The following USP53 variants were observed in gnomAD, a reference collection of about 807,000 sequenced individuals.
USP53 encodes the protein ubiquitin carboxyl-terminal hydrolase 53.
USP53 carries 71 observed loss-of-function variants against 94.9 expected under a neutral mutation model. The observed-to-expected ratio is 0.75, with a 90% CI of 0.62 to 0.91. The LOEUF is 0.91. USP53 is among the 40% of genes least tolerant of loss of function. USP53 has a pLI of 0.00. For missense variants in USP53, 1,173 were observed against 1,281.0 expected, an observed-to-expected ratio of 0.92 and a Z score of 1.29; for synonymous variants, 375 against 422.7, an observed-to-expected ratio of 0.89 and a Z score of 1.39.
intron 16 of USP53, chr4:119,272,277 A>G (rs1489514269): frequency 3.0e-6 from 1 of 336,372 alleles, no homozygotes; most frequent in African/African-American, 2.1e-5. Flanking sequence ...TTCCAAAAAT[A>G]GCAGCTTTTT....
rs1490651300 is a variant in USP53, at chr4:119,268,401, A to G, written c.1269A>G (p.Thr423=). The G allele has an allele frequency of 1.2e-6, 2 of 1,612,250 alleles. No homozygotes were observed. The highest frequency in any genetic ancestry group is 1.7e-6 in the Non-Finnish European group (2 of 1,179,300). Residue 423 remains threonine (T), a synonymous_variant, in exon 14 of 19, where the codon ACA becomes ACG. Coordinates refer to ENST00000692078, the MANE Select transcript of USP53 (RefSeq NM_001371395.1). ...CATCTAATCGGAGCCACAGTCACAC[A>G]GGTGTAGGGAAAGGACCAGGTATGT... ...ISSSNRSHSH[T]GVGKGPAKLS... is the part of the protein sequence containing the mutation.
At chr4:119,223,267 A>G (rs1744792936) in intron 3 of USP53, among the ~76,000 whole-genome samples, 1 of 152,108 alleles carries the variant, frequency 6.6e-6, no homozygotes, top group Admixed American at 6.6e-5. Flanking sequence ...AAGATGTAGG[A>G]TGGGTGAGGG....
At chr4:119,256,115 A>C (rs1749734039) in intron 7 of USP53, 131 bp from the exon 8 acceptor site, 2 of 619,882 alleles carry the variant, frequency 3.2e-6, no homozygotes, top group East Asian at 2.8e-5. Flanking sequence ...TTAGAGAGGA[A>C]AGCTGAAAAG....
At chr4:119,271,079 A>G (rs1037868291) in intron 15 of USP53, 5 of 380,130 alleles carry the variant, frequency 1.3e-5, no homozygotes, top group African/African-American at 8.8e-5. Context: ...TCTACCTTAG[A>G]GATCATTTTT....
At chr4:119,285,169 GA>G (rs1753943900) in intron 17 of USP53, among the ~76,000 whole-genome samples, 1 of 151,826 alleles carries the variant, frequency 6.6e-6, no homozygotes, top group African/African-American at 2.4e-5. Flanking sequence ...GGTAAAGACA[GA>G]ATTTGAATGA....
In USP53 at chr4:119,245,333, T is replaced by C; in HGVS notation, c.145-4T>C. On this transcript the variant is annotated splice_polypyrimidine_tract_variant and splice_region_variant and intron_variant, in intron 5 of 18. Coordinates refer to ENST00000692078, the MANE Select transcript of USP53 (RefSeq NM_001371395.1). ...TTTTTCCTTAACATCTCCCTGTTTT[T>C]TAGGTTTTATGGCAATTGGATATAT... 1 of 1,613,180 alleles carries C rather than the reference T, an allele frequency of 6.2e-7. No homozygotes were observed. The highest frequency in any genetic ancestry group is 8.5e-7 in the Non-Finnish European group (1 of 1,179,636).
At position 119,293,284 on chromosome 4, in the gene USP53, C is replaced by G. The variant is rs1754978630; in HGVS notation, c.*73C>G. On this transcript the variant is annotated 3_prime_UTR_variant, in exon 19 of 19. Coordinates refer to ENST00000692078, the MANE Select transcript of USP53 (RefSeq NM_001371395.1). ...TGCCCTTCTGAACAAAGATATAAAC[C>G]TAGCATACATTGTAATAGATAACTG... 1 of 1,477,104 alleles carries G rather than the reference C, an allele frequency of 6.8e-7. No homozygotes were observed. 91.5% of individuals were successfully genotyped at this position (1,477,104 alleles called of 1,614,324 possible).
intron 16 of USP53, 49 bp from the exon 17 acceptor site, chr4:119,273,583 A>G (rs1305774744): frequency 6.9e-7 from 1 of 1,443,766 alleles, no homozygotes; most frequent in African/African-American, 1.4e-5. Flanking sequence ...AGACTAAACA[A>G]AGGCAGTCCA....
Position 119,261,822 on chromosome 4 carries a change from A to G in USP53, c.930A>G (p.Lys310=), listed in dbSNP as rs764840846. ...ATTGTGCCTTTGCATTTCACACCAA[A>G]AGTTCCAAATGGGTATTTTTTGATG... ...QHYCAFAFHT[K]SSKWVFFDDA... The change falls in exon 12 of 19, where the codon AAA becomes AAG. Residue 310 remains lysine, a synonymous_variant. Transcript: ENST00000692078. The G allele has an allele frequency of 6.6e-7, 1 of 1,512,722 alleles. No homozygotes were observed. Among genetic ancestry groups the G allele is most frequent in the Non-Finnish European group, 9.0e-7 (1 of 1,112,284 alleles). The allele number at this position is 1,512,722 out of a possible 1,614,324, so 93.7% of individuals were successfully genotyped here. A position where few individuals can be genotyped will look rare whatever the true frequency, so the allele number is the denominator to read the frequency against.
intron 17 of USP53, among the ~76,000 whole-genome samples, chr4:119,287,866 C>A (rs563745548): frequency 1.8e-4 from 28 of 152,118 alleles, no homozygotes; most frequent in Non-Finnish European, 2.9e-4. Flanking sequence ...TTGGAGTGAA[C>A]CCTGGATTGG....
At chr4:119,281,169 G>C (rs373802188) in intron 17 of USP53, among the ~76,000 whole-genome samples, 11 of 152,202 alleles carry the variant, frequency 7.2e-5, no homozygotes, top group African/African-American at 2.7e-4. Flanking sequence ...AAGAAAGTTA[G>C]ATATTTGAAC....
intron 15 of USP53, 128 bp from the exon 16 acceptor site, chr4:119,271,168 T>G: frequency 7.2e-7 from 1 of 1,382,692 alleles, no homozygotes; most frequent in Non-Finnish European, 9.4e-7. Context: ...AAGCAGTATG[T>G]GATATGTACT....
intron 6 of USP53, among the ~76,000 whole-genome samples, chr4:119,247,380 A>G (rs1383954753): frequency 1.3e-5 from 2 of 152,144 alleles, no homozygotes; most frequent in African/African-American, 4.8e-5. Context: ...AGATGTCCTC[A>G]TGGCTAACAC....
intron 3 of USP53, chr4:119,220,631 C>G (rs955417775): frequency 2.0e-5 from 3 of 152,006 alleles, no homozygotes; most frequent in Non-Finnish European, 4.4e-5. Context: ...TGCCAGTTTT[C>G]TAATTTTTTT....
intron 7 of USP53, among the ~76,000 whole-genome samples, chr4:119,253,433 A>C (rs1749314421): frequency 6.6e-6 from 1 of 152,150 alleles, no homozygotes; most frequent in Non-Finnish European, 1.5e-5. Flanking sequence ...TAGGATAGTT[A>C]GCTCTTCTTA....
intron 12 of USP53, among the ~76,000 whole-genome samples, chr4:119,263,990 A>C (rs763540097): frequency 2.6e-5 from 4 of 152,120 alleles, no homozygotes; most frequent in Non-Finnish European, 5.9e-5. Flanking sequence ...GCTTGAACCT[A>C]GGAGGCAGAG....
chr4:119,290,377 G>T (rs1754616542), intron 17 of USP53, among the ~76,000 whole-genome samples: 1 of 152,104 alleles, frequency 6.6e-6, no homozygotes, highest in Non-Finnish European at 1.5e-5. Flanking sequence ...CAGGAGAGAA[G>T]TTAAGTATCA....
chr4:119,239,950 A>T (rs763622731), intron 5 of USP53, 47 bp downstream of exon 5: 1 of 1,347,978 alleles, frequency 7.4e-7, no homozygotes, highest in Admixed American at 3.0e-5. Flanking sequence ...CTTTTCAGAA[A>T]ATCCTTTGTT....
At chr4:119,222,401 CTTCT>C (rs1280977013) in intron 3 of USP53, among the ~76,000 whole-genome samples, 1 of 152,114 alleles carries the variant, frequency 6.6e-6, no homozygotes, top group Admixed American at 6.6e-5. Flanking sequence ...GAACTTATTC[CTTCT>C]AATTGTATTT....
Sources: gnomAD v4.1 joint callset for allele counts (sites outside exome capture counted in the v4.1 genomes callset) on GRCh38, gnomAD v4.1.1 for gene constraint, MANE v1.5 for transcripts, NCBI Gene and HGNC (gene_info 2026-07-23, HGNC 2026-07-21) for gene names.